Variants in ERBB4 observed in about 807,000 individuals in gnomAD.
The protein encoded by ERBB4 is erb-b2 receptor tyrosine kinase 4.
A neutral mutation model predicts 158.0 loss-of-function variants in ERBB4; 42 were observed. The observed-to-expected ratio is 0.27, with a 90% CI of 0.21 to 0.34. ERBB4 has a LOEUF of 0.34. ERBB4 is among the 10% of genes least tolerant of loss of function. The probability of loss-of-function intolerance (pLI) is 1.00; values close to 1 mark genes in which losing one functional copy is unlikely to be tolerated. For missense variants in ERBB4, 1,333 were observed against 1,624.1 expected (o/e 0.82, Z 3.08); for synonymous variants, 583 against 558.7 (o/e 1.04, Z -0.61).
chr2:212,392,480 T>C (rs2090906759), intron 1 of ERBB4, among the ~76,000 whole-genome samples: 1 of 152,030 alleles, frequency 6.6e-6, no homozygotes, highest in Non-Finnish European at 1.5e-5. Context: ...TCAATAAACA[T>C]TATTAAAATC....
At chr2:211,749,058 C>A (rs1429650797) in intron 5 of ERBB4, among the ~76,000 whole-genome samples, 1 of 151,848 alleles carries the variant, frequency 6.6e-6, no homozygotes, top group Non-Finnish European at 1.5e-5. Context: ...AACATTGTTT[C>A]TATTAAATAA....
chr2:211,473,799 A>G (rs553464842), intron 20 of ERBB4, among the ~76,000 whole-genome samples: 1 of 152,034 alleles, frequency 6.6e-6, no homozygotes, highest in South Asian at 2.1e-4. Flanking sequence ...ACAGTAGAAA[A>G]TACCTGACAG....
chr2:211,749,517 G>A (rs758615076), intron 5 of ERBB4, among the ~76,000 whole-genome samples: 15 of 90,652 alleles, frequency 1.7e-4, no homozygotes, highest in Non-Finnish European at 3.8e-4. Context: ...GACCCACGTG[G>A]GAAGATACTA....
intron 3 of ERBB4, among the ~76,000 whole-genome samples, chr2:211,846,268 C>A: frequency 6.6e-6 from 1 of 151,922 alleles, no homozygotes; most frequent in East Asian, 1.9e-4. Flanking sequence ...CCTTTAATCT[C>A]CAGACACTTT....
chr2:211,946,106 C>T (rs1045852938), intron 3 of ERBB4, among the ~76,000 whole-genome samples: 1 of 151,884 alleles, frequency 6.6e-6, no homozygotes, highest in Non-Finnish European at 1.5e-5. Flanking sequence ...AGAAAACTAT[C>T]TTTGAAAGAA....
chr2:212,100,882 TA>T (rs2079063136), intron 2 of ERBB4, among the ~76,000 whole-genome samples: 3 of 152,194 alleles, frequency 2.0e-5, no homozygotes, highest in African/African-American at 4.8e-5. Flanking sequence ...GGAAGGTTAC[TA>T]TTCTCAAGAG....
At chr2:212,459,632 A>C (rs1019971992) in intron 1 of ERBB4, among the ~76,000 whole-genome samples, 1 of 152,166 alleles carries the variant, frequency 6.6e-6, no homozygotes. Flanking sequence ...CAAATAGCCA[A>C]AGCTATCTTG....
chr2:212,478,035 C>T (rs1560436383), intron 1 of ERBB4, among the ~76,000 whole-genome samples: 1 of 152,076 alleles, frequency 6.6e-6, no homozygotes, highest in Admixed American at 6.6e-5. Flanking sequence ...AAAGCTTTGA[C>T]CATGGCCAGT....
At chr2:211,879,126 C>G (rs945939406) in intron 3 of ERBB4, among the ~76,000 whole-genome samples, 1 of 152,060 alleles carries the variant, frequency 6.6e-6, no homozygotes, top group African/African-American at 2.4e-5. Context: ...TATCTACATT[C>G]TTTTCCCCTA....
chr2:211,617,136 C>T (rs1402284700), intron 19 of ERBB4, among the ~76,000 whole-genome samples: 1 of 151,956 alleles, frequency 6.6e-6, no homozygotes, highest in Non-Finnish European at 1.5e-5. Context: ...ATTTTGTAGG[C>T]TCTTAACCCC....
At chr2:211,444,049 G>A (rs1319357198) in intron 20 of ERBB4, among the ~76,000 whole-genome samples, 2 of 151,972 alleles carry the variant, frequency 1.3e-5, no homozygotes, top group Non-Finnish European at 2.9e-5. Context: ...TCCTGATAAT[G>A]CTGTCTTTCC....
intron 2 of ERBB4, among the ~76,000 whole-genome samples, chr2:212,041,352 A>T (rs560785346): frequency 1.3e-5 from 2 of 151,614 alleles, no homozygotes; most frequent in Non-Finnish European, 2.9e-5. Flanking sequence ...TATAAAAAAA[A>T]TTCAGGTTAC....
intron 19 of ERBB4, among the ~76,000 whole-genome samples, chr2:211,580,770 GTAGA>G (rs1170840811): frequency 8.2e-6 from 1 of 121,244 alleles, no homozygotes; most frequent in African/African-American, 3.5e-5. Context: ...CAATCAACGG[GTAGA>G]TAAAGAAATT....
At chr2:212,170,307 G>C (rs918036029) in intron 1 of ERBB4, among the ~76,000 whole-genome samples, 1 of 152,154 alleles carries the variant, frequency 6.6e-6, no homozygotes, top group South Asian at 2.1e-4. Flanking sequence ...CCCTAGAGAT[G>C]TGGAAAACTT....
chr2:211,688,807 A>G (rs1436718984), intron 12 of ERBB4, among the ~76,000 whole-genome samples: 2 of 152,300 alleles, frequency 1.3e-5, no homozygotes, highest in East Asian at 1.9e-4. Context: ...TAAATAACAT[A>G]AAGAGAATTT....
At chr2:211,969,458 A>G (rs2125196359) in intron 2 of ERBB4, among the ~76,000 whole-genome samples, 1 of 152,068 alleles carries the variant, frequency 6.6e-6, no homozygotes, top group Non-Finnish European at 1.5e-5. Flanking sequence ...TTTTTTTCTT[A>G]CAAGAATGGA....
chr2:212,163,413 C>A (rs2125653215), intron 1 of ERBB4, among the ~76,000 whole-genome samples: 1 of 152,126 alleles, frequency 6.6e-6, no homozygotes, highest in East Asian at 1.9e-4. Flanking sequence ...CCAGTCAGTG[C>A]TGCAAAGCCT....
Position 212,267,072 on chromosome 2 carries a change from T to A in ERBB4, c.83-142169A>T, listed in dbSNP as rs564851768. 9.9e-5 allele frequency among the ~76,000 whole-genome samples: 15 copies of A among 150,780 alleles called. No homozygotes were observed. The South Asian group carries it at 3.2e-3, about 32-fold the overall frequency. ...TAGATCATTAAATGCTACTCGGAGCTTTTCTAAATTACAGCTGTGCACACA... is the reference window on the plus strand; with the variant it reads ...TAGATCATTAAATGCTACTCGGAGCATTTCTAAATTACAGCTGTGCACACA... On this transcript the variant is annotated intron_variant, in intron 1 of 27. Transcript: ENST00000342788.
intron 1 of ERBB4, among the ~76,000 whole-genome samples, chr2:212,253,529 T>C (rs1455293539): frequency 6.6e-6 from 1 of 152,108 alleles, no homozygotes; most frequent in African/African-American, 2.4e-5. Context: ...AAGATCTTGT[T>C]AAAATGTAGG....
Sources: allele counts gnomAD v4.1 joint callset (sites outside exome capture counted in the v4.1 genomes callset), GRCh38; gene constraint gnomAD v4.1.1; transcripts MANE v1.5; gene names NCBI Gene and HGNC (gene_info 2026-07-23, HGNC 2026-07-21).